ZIM2: variants seen among roughly 807,000 people sequenced by gnomAD.
The protein encoded by ZIM2 is zinc finger imprinted 2, also known as zinc finger protein 656.
In ZIM2, 14 loss-of-function variants were observed where a neutral mutation model predicts 38.6. The observed-to-expected ratio is 0.36, with a 90% CI of 0.24 to 0.57. The LOEUF is 0.57. Among genes scored for constraint, ZIM2 ranks in the 20% least tolerant of loss-of-function variants. The probability of loss-of-function intolerance (pLI) is 0.81; values close to 1 mark genes in which losing one functional copy is unlikely to be tolerated. For synonymous variants in ZIM2, 247 were observed against 245.8 expected (o/e 1.00, Z -0.04); for missense variants, 680 against 695.1 (o/e 0.98, Z 0.24).
At chr19:56,816,740 A>G (rs1363887228) in intron 9 of ZIM2, 20 of 1,614,126 alleles carry the variant, frequency 1.2e-5, no homozygotes, top group Non-Finnish European at 1.7e-5. Context: ...GTTTCCTTAC[A>G]CACCCTGCAC....
chr19:56,801,922 A>C (rs1268511161), intron 9 of ZIM2, among the ~76,000 whole-genome samples: 1 of 152,176 alleles, frequency 6.6e-6, no homozygotes, highest in Non-Finnish European at 1.5e-5. Context: ...CAGCTGGATA[A>C]CTCACAGGAT....
intron 9 of ZIM2, chr19:56,813,964 C>A: frequency 6.2e-7 from 1 of 1,614,086 alleles, no homozygotes; most frequent in Non-Finnish European, 8.5e-7. Context: ...TTGATCTTCA[C>A]CTTCTTCTGG....
chr19:56,779,845 C>T (rs2046233072), intron 11 of ZIM2, among the ~76,000 whole-genome samples: 1 of 152,182 alleles, frequency 6.6e-6, no homozygotes, highest in South Asian at 2.1e-4. Flanking sequence ...CTCTACACTT[C>T]AGCACCAAGA....
At chr19:56,819,770 T>A (rs2060299797) in intron 7 of ZIM2, among the ~76,000 whole-genome samples, 1 of 152,238 alleles carries the variant, frequency 6.6e-6, no homozygotes, top group Non-Finnish European at 1.5e-5. Context: ...AAGAAAATTA[T>A]GTAAAGGAAA....
At chr19:56,788,841 T>C (rs749862802) in intron 10 of ZIM2, among the ~76,000 whole-genome samples, 1 of 151,764 alleles carries the variant, frequency 6.6e-6, no homozygotes, top group Non-Finnish European at 1.5e-5. Flanking sequence ...GAGGCTTTGT[T>C]CATTTCTTTT....
intron 6 of ZIM2, 69 bp from the exon 7 acceptor site, chr19:56,821,823 C>T: frequency 6.4e-7 from 1 of 1,564,302 alleles, no homozygotes; most frequent in Non-Finnish European, 8.8e-7. Flanking sequence ...GTTTGTCCCA[C>T]TCAACTATGA....
intron 7 of ZIM2, among the ~76,000 whole-genome samples, chr19:56,819,263 G>A (rs780444301): frequency 2.6e-5 from 4 of 152,198 alleles, no homozygotes; most frequent in Non-Finnish European, 5.9e-5. Context: ...GTTTCTCCAT[G>A]GCATAGCATG....
At chr19:56,801,518 G>A (rs113162927) in intron 9 of ZIM2, among the ~76,000 whole-genome samples, 95 of 152,218 alleles carry the variant, frequency 6.2e-4, no homozygotes, top group Admixed American at 1.7e-3. Context: ...GCTTTATAAC[G>A]GAAAGTCTCA....
At position 56,814,566 on chromosome 19, in the gene ZIM2, G is replaced by A; in HGVS notation, c.490+3180C>T. The A allele has an allele frequency of 6.2e-7, 1 of 1,613,886 alleles. No individual in the cohort carries two copies. Among genetic ancestry groups the A allele is most frequent in the Non-Finnish European group, 8.5e-7 (1 of 1,179,890 alleles). ...CGTGATCTGCAAGTTCTGCTGGGTT[G>A]ACGAAAGATTCTCCACAGACTGCAC... On this transcript the variant is annotated intron_variant, in intron 9 of 12. Transcript: ENST00000629319. The surrounding 1 kb of genome is among the most constrained non-coding windows in gnomAD (Gnocchi z 5.8).
At chr19:56,815,731 G>A in intron 9 of ZIM2, 1 of 1,614,176 alleles carries the variant, frequency 6.2e-7, no homozygotes. Context: ...ACTTTTCTGA[G>A]GTTTGGCACG....
intron 9 of ZIM2, among the ~76,000 whole-genome samples, chr19:56,802,689 TTCAAATGGCAGGATCC>T (rs1378000165): frequency 6.6e-6 from 1 of 152,190 alleles, no homozygotes; most frequent in Non-Finnish European, 1.5e-5. Context: ...TCTCTTCACT[TTCAAATGGCAGGATCC>T]TCAGACAGGC....
intron 7 of ZIM2, among the ~76,000 whole-genome samples, chr19:56,819,618 G>A (rs2060288620): frequency 1.3e-5 from 2 of 152,166 alleles, no homozygotes; most frequent in Non-Finnish European, 2.9e-5. Flanking sequence ...CACCAATTAT[G>A]AGCTATGCAG....
At chr19:56,824,826 A>G (rs2060865764) in intron 3 of ZIM2, 1 of 625,620 alleles carries the variant, frequency 1.6e-6, no homozygotes, top group African/African-American at 1.8e-5. Flanking sequence ...GGCATCGACA[A>G]TGCTTTTGGG....
chr19:56,839,439 C>A (rs1420545061), intron 1 of ZIM2, among the ~76,000 whole-genome samples: 6 of 149,156 alleles, frequency 4.0e-5, no homozygotes, highest in East Asian at 2.0e-4. Context: ...CTGAACAGAT[C>A]GTCACATCTA....
chr19:56,838,446 A>G (rs375372454), intron 1 of ZIM2, among the ~76,000 whole-genome samples: 10 of 152,236 alleles, frequency 6.6e-5, no homozygotes, highest in African/African-American at 2.4e-4. Context: ...GTCCCGAGGA[A>G]CGGTCCCGGG....
intron 9 of ZIM2, chr19:56,812,193 ATG>A: frequency 1.0e-6 from 1 of 981,662 alleles, no homozygotes; most frequent in Non-Finnish European, 1.2e-6. Flanking sequence ...TATAGTTATT[ATG>A]CGAGGGGAGG....
At chr19:56,839,628 A>T (rs948691042) in intron 1 of ZIM2, among the ~76,000 whole-genome samples, 6 of 152,208 alleles carry the variant, frequency 3.9e-5, no homozygotes, top group Non-Finnish European at 5.9e-5. Flanking sequence ...CCAATCAACT[A>T]GAACAGCGCC....
At chr19:56,793,367 C>T (rs886886409) in intron 9 of ZIM2, 2 of 152,706 alleles carry the variant, frequency 1.3e-5, no homozygotes, top group African/African-American at 2.4e-5. Flanking sequence ...AGCATCTCTA[C>T]ACCTTGGCCC....
intron 2 of ZIM2, among the ~76,000 whole-genome samples, chr19:56,834,903 T>C (rs1568722238): frequency 6.6e-6 from 1 of 152,236 alleles, no homozygotes; most frequent in East Asian, 1.9e-4. Flanking sequence ...AAGCCTGGCA[T>C]GATCCTGTCC....
Sources: gnomAD v4.1 joint callset for allele counts (sites outside exome capture counted in the v4.1 genomes callset) on GRCh38, gnomAD v4.1.1 for gene constraint, Gnocchi (gnomAD v3.1) non-coding constraint, MANE v1.5 for transcripts, NCBI Gene and HGNC (gene_info 2026-07-23, HGNC 2026-07-21) for gene names.